The following ELOVL5 variants were observed in gnomAD, a reference collection of about 807,000 sequenced individuals.
ELOVL5 encodes very long chain fatty acid elongase 5.
A neutral mutation model predicts 38.6 loss-of-function variants in ELOVL5; 8 were observed. That is an observed-to-expected ratio of 0.21 (90% CI 0.12 to 0.37). The LOEUF (loss-of-function observed/expected upper bound fraction) is 0.37, where lower values mean the gene tolerates loss of function less well. Among genes scored for constraint, ELOVL5 ranks in the 10% least tolerant of loss-of-function variants. ELOVL5 has a pLI of 1.00. For synonymous variants in ELOVL5, 127 were observed against 133.7 expected (o/e 0.95, Z 0.34); for missense variants, 280 against 367.8 (o/e 0.76, Z 1.95).
chr6:53,283,172 T>A lies in ELOVL5; in HGVS notation c.247-6916A>T, dbSNP rs148660512. ...CTCACTATAAACACAGGTAGGAAAG[T>A]GGTATAAAACACAGCAAAAACTCCA... On this transcript the variant is annotated intron_variant, in intron 3 of 7. Coordinates refer to ENST00000304434, the MANE Select transcript of ELOVL5 (RefSeq NM_021814.5). Among the ~76,000 whole-genome samples the A allele has an allele frequency of 4.4e-3, 664 of 152,210 alleles. 8 individuals are homozygous for A. Among genetic ancestry groups the A allele is most frequent in the African/African-American group, 0.015 (641 of 41,514 alleles).
intron 1 of ELOVL5, among the ~76,000 whole-genome samples, chr6:53,318,975 A>G (rs554816202): frequency 1.3e-5 from 2 of 152,194 alleles, no homozygotes; most frequent in African/African-American, 4.8e-5. Context: ...TGGACACTCA[A>G]TTTTCATTGG....
chr6:53,346,866 A>G (rs867066693), intron 1 of ELOVL5, among the ~76,000 whole-genome samples: 2 of 152,314 alleles, frequency 1.3e-5, no homozygotes, highest in South Asian at 4.1e-4. Flanking sequence ...CAAACAGAAC[A>G]TCCAAAAATT....
chr6:53,309,232 G>C (rs1364810741), intron 1 of ELOVL5, among the ~76,000 whole-genome samples: 2 of 152,306 alleles, frequency 1.3e-5, no homozygotes, highest in African/African-American at 4.8e-5. Flanking sequence ...TTGGGACACA[G>C]AAAGGAATTT....
chr6:53,269,238 T>C lies in ELOVL5; in HGVS notation c.789A>G (p.Lys263=). The C allele has an allele frequency of 6.2e-7, 1 of 1,612,576 alleles. No homozygotes were observed. The highest frequency in any genetic ancestry group is 8.5e-7 in the Non-Finnish European group (1 of 1,179,128). The part of the protein sequence containing the change: ...TYNKKGASRR[K]DHLKDHQNGS... ...CATTCTGGTGGTCCTTCAGGTGGTC[T>C]TTCCTTCGGGAGGCCCCTTTCTTGT... Residue 263 remains lysine, a synonymous_variant, in exon 8 of 8, where the codon AAA becomes AAG. Coordinates refer to ENST00000304434, the MANE Select transcript of ELOVL5 (RefSeq NM_021814.5).
chr6:53,282,865 G>A (rs73742913), intron 3 of ELOVL5, among the ~76,000 whole-genome samples: 4,814 of 152,050 alleles, frequency 0.032, 238 homozygotes, highest in African/African-American at 0.11. Flanking sequence ...AGGAAAGCCT[G>A]AAGGGAAAGA....
chr6:53,314,279 T>C (rs914461909), intron 1 of ELOVL5, among the ~76,000 whole-genome samples: 3 of 152,188 alleles, frequency 2.0e-5, no homozygotes, highest in African/African-American at 4.8e-5. Flanking sequence ...TAGGCTGTCA[T>C]AGAGCCATTT....
chr6:53,299,232 C>G (rs916812668), intron 1 of ELOVL5, among the ~76,000 whole-genome samples: 2 of 148,396 alleles, frequency 1.3e-5, no homozygotes, highest in Non-Finnish European at 2.9e-5. Context: ...AAAATTCAAA[C>G]AAAAGTATTC....
At chr6:53,347,381 T>TC (rs1769593745) in intron 1 of ELOVL5, among the ~76,000 whole-genome samples, 1 of 152,178 alleles carries the variant, frequency 6.6e-6, no homozygotes, top group South Asian at 2.1e-4. Flanking sequence ...AACCCACTTG[T>TC]CCCCAATCAC....
chr6:53,269,602 T>C (rs979803847), intron 7 of ELOVL5, among the ~76,000 whole-genome samples: 1 of 152,212 alleles, frequency 6.6e-6, no homozygotes, highest in Non-Finnish European at 1.5e-5. Flanking sequence ...TGTGGCCAAA[T>C]TGGTCTTTCC....
intron 1 of ELOVL5, among the ~76,000 whole-genome samples, chr6:53,321,154 A>G (rs1391908133): frequency 6.6e-6 from 1 of 152,226 alleles, no homozygotes; most frequent in Non-Finnish European, 1.5e-5. Flanking sequence ...GTTGGGTATG[A>G]AGCAAGAGGT....
chr6:53,310,194 GA>G (rs2127582434), intron 1 of ELOVL5, among the ~76,000 whole-genome samples: 1 of 152,298 alleles, frequency 6.6e-6, no homozygotes, highest in Non-Finnish European at 1.5e-5. Flanking sequence ...GAAGAGAAGT[GA>G]AAAGGCTTAT....
At chr6:53,325,181 G>C (rs1768486987) in intron 1 of ELOVL5, among the ~76,000 whole-genome samples, 1 of 152,164 alleles carries the variant, frequency 6.6e-6, no homozygotes, top group Non-Finnish European at 1.5e-5. Context: ...AAAATGCCAT[G>C]TTTCACACTC....
chr6:53,317,199 A>C (rs927602815), intron 1 of ELOVL5, among the ~76,000 whole-genome samples: 2 of 152,196 alleles, frequency 1.3e-5, no homozygotes, highest in African/African-American at 2.4e-5. Flanking sequence ...TCCTTCACTA[A>C]ATGGTCTGCT....
At chr6:53,298,558 G>A (rs1767112930) in intron 1 of ELOVL5, among the ~76,000 whole-genome samples, 1 of 152,078 alleles carries the variant, frequency 6.6e-6, no homozygotes, top group African/African-American at 2.4e-5. Flanking sequence ...CAAAGTAACT[G>A]CCTTTAAGAA....
At chr6:53,269,292 G>A (rs1765840670) in intron 7 of ELOVL5, 22 bp from the exon 8 acceptor site, 1 of 1,545,366 alleles carries the variant, frequency 6.5e-7, no homozygotes, top group Admixed American at 2.0e-5. Context: ...AAGGGCAGAT[G>A]AGAACCAAAT....
At chr6:53,294,325 A>C in intron 2 of ELOVL5, 1 of 1,575,796 alleles carries the variant, frequency 6.3e-7, no homozygotes, top group Non-Finnish European at 8.6e-7. Flanking sequence ...GTGAGTTTTG[A>C]GGGATGACAG....
chr6:53,289,832 C>CA, intron 3 of ELOVL5, among the ~76,000 whole-genome samples: 1 of 152,186 alleles, frequency 6.6e-6, no homozygotes. Context: ...AAAACTCGGA[C>CA]AAAAACCAAA....
intron 4 of ELOVL5, 52 bp from the exon 5 acceptor site, chr6:53,275,313 A>G (rs1009148264): frequency 1.9e-6 from 3 of 1,570,924 alleles, no homozygotes; most frequent in Non-Finnish European, 2.6e-6. Context: ...CTTCTCTGGA[A>G]TATCACCTCT....
At chr6:53,332,723 A>T (rs893081932) in intron 1 of ELOVL5, among the ~76,000 whole-genome samples, 1 of 152,234 alleles carries the variant, frequency 6.6e-6, no homozygotes, top group African/African-American at 2.4e-5. Flanking sequence ...CACTTTTTGG[A>T]AACCAAACTT....
Sources: allele counts gnomAD v4.1 joint callset (sites outside exome capture counted in the v4.1 genomes callset), GRCh38; gene constraint gnomAD v4.1.1; transcripts MANE v1.5; gene names NCBI Gene and HGNC (gene_info 2026-07-23, HGNC 2026-07-21).